Variants in CDKL4 observed in about 807,000 individuals in gnomAD.
CDKL4 encodes cyclin dependent kinase like 4, also known as cyclin-dependent kinase-like 4.
CDKL4 carries 44 observed loss-of-function variants against 42.0 expected under a neutral mutation model. That is an observed-to-expected ratio of 1.05 (90% CI 0.82 to 1.35). The LOEUF (loss-of-function observed/expected upper bound fraction) is 1.35, where lower values mean the gene tolerates loss of function less well. Ranked by LOEUF, CDKL4 falls within the 40% of genes most tolerant of loss-of-function variation. The pLI, the probability that CDKL4 is intolerant of heterozygous loss-of-function variation, is 0.00. For missense variants in CDKL4, 393 were observed against 369.9 expected (o/e 1.06, Z -0.51); for synonymous variants, 120 against 121.6 (o/e 0.99, Z 0.09).
intron 8 of CDKL4, 116 bp from the exon 9 acceptor site, chr2:39,179,437 G>A: frequency 6.1e-6 from 5 of 814,772 alleles, no homozygotes; most frequent in Non-Finnish European, 9.1e-6. Context: ...CTTCCAGTTT[G>A]TGTATTATCA....
exon 10 of CDKL4, chr2:39,175,914 A>G (rs1675144678): frequency 4.8e-6 from 2 of 415,188 alleles, no homozygotes; most frequent in Admixed American, 3.0e-5. Context: ...GCTCATTTGC[A>G]TTTGAAACAC....
downstream of CDKL4, among the ~76,000 whole-genome samples, chr2:39,171,217 C>T (rs1280581932): frequency 2.7e-5 from 4 of 145,528 alleles, no homozygotes; most frequent in African/African-American, 7.7e-5. Context: ...CTCGTCTGGG[C>T]GACAGAGAGA....
downstream of CDKL4, among the ~76,000 whole-genome samples, chr2:39,172,410 G>A (rs1369615076): frequency 1.3e-5 from 2 of 152,198 alleles, no homozygotes; most frequent in African/African-American, 4.8e-5. Context: ...ATGGGCTGAA[G>A]GGTGTGAGAG....
chr2:39,174,189 G>T (rs963877255), downstream of CDKL4, among the ~76,000 whole-genome samples: 5 of 151,936 alleles, frequency 3.3e-5, no homozygotes, highest in African/African-American at 7.3e-5. Flanking sequence ...AGGATCACTT[G>T]AGCTCATGAG....
chr2:39,227,551 G>C (rs1429350997), intron 2 of CDKL4, among the ~76,000 whole-genome samples: 1 of 152,098 alleles, frequency 6.6e-6, no homozygotes, highest in African/African-American at 2.4e-5. Context: ...AACATACTGA[G>C]ACCCCATCTC....
chr2:39,212,460 C>T (rs1677645750), intron 4 of CDKL4, among the ~76,000 whole-genome samples: 1 of 151,722 alleles, frequency 6.6e-6, no homozygotes, highest in Non-Finnish European at 1.5e-5. Flanking sequence ...GTCTCGATCT[C>T]CTGACTTCGT....
rs181257451 is a variant in CDKL4, at chr2:39,210,404, C to T, written c.363+2996G>A. Among the ~76,000 whole-genome samples, 46 of 152,192 alleles carry T rather than the reference C, an allele frequency of 3.0e-4. No individual in the cohort carries two copies. The East Asian group carries it at 3.5e-3, about 11-fold the overall frequency. On this transcript the variant is annotated intron_variant, in intron 4 of 9. Coordinates refer to ENST00000451199, the Ensembl canonical transcript of CDKL4. ...CCAAGCACAGAAATGATGGCAGTTG[C>T]GTTGGTCTACAATAATGTTTGGCTC...
At chr2:39,178,594 C>T in intron 9 of CDKL4, 1 of 1,554,622 alleles carries the variant, frequency 6.4e-7, no homozygotes, top group Non-Finnish European at 8.7e-7. Context: ...AGGACAGTCA[C>T]CTGATAAACT....
intron 1 of CDKL4, among the ~76,000 whole-genome samples, chr2:39,242,117 C>A (rs975413514): frequency 2.0e-5 from 3 of 151,542 alleles, no homozygotes; most frequent in Non-Finnish European, 4.4e-5. Context: ...ACGATCAGGG[C>A]TCACTGCAGC....
intron 1 of CDKL4, among the ~76,000 whole-genome samples, chr2:39,230,377 G>C (rs2148395431): frequency 6.6e-6 from 1 of 152,162 alleles, no homozygotes; most frequent in Admixed American, 6.5e-5. Context: ...ATCCTTTTAG[G>C]GTATTTATTG....
At chr2:39,181,214 A>G (rs1675421464) in intron 8 of CDKL4, among the ~76,000 whole-genome samples, 1 of 152,002 alleles carries the variant, frequency 6.6e-6, no homozygotes, top group African/African-American at 2.4e-5. Context: ...GGCTTCTCTA[A>G]TCTCTCACTT....
chr2:39,215,995 T>G (rs531490859), intron 3 of CDKL4, among the ~76,000 whole-genome samples: 2 of 152,318 alleles, frequency 1.3e-5, no homozygotes, highest in African/African-American at 4.8e-5. Context: ...CAACATTGCG[T>G]ACACTTTCAA....
At chr2:39,245,707 T>C (rs753368223), upstream of CDKL4, among the ~76,000 whole-genome samples, 24 of 152,242 alleles carry the variant, frequency 1.6e-4, no homozygotes, top group Non-Finnish European at 2.9e-4. Context: ...CTGTTGAATA[T>C]TGATTAGTTC....
intron 3 of CDKL4, among the ~76,000 whole-genome samples, chr2:39,218,584 C>T (rs967876475): frequency 3.3e-5 from 5 of 152,122 alleles, no homozygotes; most frequent in South Asian, 2.1e-4. Flanking sequence ...CAGTAGACCG[C>T]GTAAAGAAGA....
At chr2:39,180,688 T>C (rs1420634858) in intron 8 of CDKL4, among the ~76,000 whole-genome samples, 10 of 127,562 alleles carry the variant, frequency 7.8e-5, no homozygotes, top group African/African-American at 3.8e-4. Context: ...GAGAAAGACT[T>C]TTTTTTTTTT....
At chr2:39,222,801 GAAGT>G (rs761758710) in intron 3 of CDKL4, among the ~76,000 whole-genome samples, 1 of 152,032 alleles carries the variant, frequency 6.6e-6, no homozygotes, top group Non-Finnish European at 1.5e-5. Context: ...AACAATACAT[GAAGT>G]AAGCATAAAT....
chr2:39,223,581 C>A (rs1257339778), intron 3 of CDKL4, among the ~76,000 whole-genome samples: 2 of 83,484 alleles, frequency 2.4e-5, no homozygotes, highest in African/African-American at 9.6e-5. Flanking sequence ...ATTTCCTTCT[C>A]TTTTTTTTTT....
rs766100733 is a variant in CDKL4 at position 39,190,426 on chromosome 2, CTGAG to C, written c.527_530del (p.Thr176SerfsTer19). 6.2e-7 allele frequency: 1 copy of C among 1,614,102 alleles called. No homozygotes were observed. The highest frequency in any genetic ancestry group is 2.2e-5 in the East Asian group (1 of 44,882). Reference sequence around the variant, plus strand: ...CCCATATATCGACTGAAGAACCATACTGAGTATCTCCCACAAGAAGTTCAGGAGC... The same window carrying C: ...CCCATATATCGACTGAAGAACCATACTATCTCCCACAAGAAGTTCAGGAGC... On this transcript the variant is annotated frameshift_variant, in exon 6 of 10. Transcript: ENST00000451199. LOFTEE classifies it high-confidence loss of function.
At chr2:39,220,059 T>C (rs1320566032) in intron 3 of CDKL4, among the ~76,000 whole-genome samples, 2 of 152,170 alleles carry the variant, frequency 1.3e-5, no homozygotes, top group African/African-American at 2.4e-5. Flanking sequence ...ACAATAACCC[T>C]GCAGGGTGCT....
Sources: allele counts gnomAD v4.1 joint callset (sites outside exome capture counted in the v4.1 genomes callset), GRCh38; gene constraint gnomAD v4.1.1; transcripts MANE v1.5; gene names NCBI Gene and HGNC (gene_info 2026-07-23, HGNC 2026-07-21).